EBF1: variants seen among roughly 807,000 people sequenced by gnomAD.
The protein encoded by EBF1 is EBF transcription factor 1.
Under a neutral mutation model 68.4 loss-of-function variants are expected in EBF1, and 10 were observed. The observed-to-expected ratio is 0.15, with a 90% confidence interval of 0.09 to 0.25. The LOEUF (loss-of-function observed/expected upper bound fraction) is 0.25. Among genes scored for constraint, EBF1 ranks in the 10% least tolerant of loss-of-function variants. EBF1 has a pLI of 1.00. For missense variants in EBF1, 509 were observed against 794.4 expected, an observed-to-expected ratio of 0.64 and a Z score of 4.32; for synonymous variants, 298 against 299.8, an observed-to-expected ratio of 0.99 and a Z score of 0.06.
chr5:158,854,009 G>A (rs1793489458), intron 6 of EBF1, among the ~76,000 whole-genome samples: 1 of 152,138 alleles, frequency 6.6e-6, no homozygotes, highest in Non-Finnish European at 1.5e-5. Context: ...CCAGCCGACT[G>A]ACTCCACAGG....
chr5:159,090,242 T>A (rs1280259382), intron 4 of EBF1, among the ~76,000 whole-genome samples: 3 of 126,368 alleles, frequency 2.4e-5, no homozygotes, highest in South Asian at 2.6e-4. Flanking sequence ...TGTTTGTCAT[T>A]AAAAAAAAAA....
intron 6 of EBF1, among the ~76,000 whole-genome samples, chr5:158,846,274 C>T (rs1791506747): frequency 6.6e-6 from 1 of 152,152 alleles, no homozygotes; most frequent in Admixed American, 6.5e-5. Context: ...AGCAAAATGC[C>T]TCATGATTAA....
At chr5:158,936,050 T>C (rs1355203676) in intron 6 of EBF1, among the ~76,000 whole-genome samples, 1 of 148,072 alleles carries the variant, frequency 6.8e-6, no homozygotes, top group Non-Finnish European at 1.5e-5. Flanking sequence ...TGGTTTTCCA[T>C]CCTCTTTCCA....
At chr5:158,945,992 A>G (rs1814584790) in intron 6 of EBF1, among the ~76,000 whole-genome samples, 1 of 151,954 alleles carries the variant, frequency 6.6e-6, no homozygotes, top group South Asian at 2.1e-4. Flanking sequence ...ATACTTCTGT[A>G]TGTTTCGGGA....
chr5:159,022,076 A>AAAAAG (rs55750500), intron 6 of EBF1, among the ~76,000 whole-genome samples: 1 of 149,920 alleles, frequency 6.7e-6, no homozygotes, highest in Non-Finnish European at 1.5e-5. Context: ...AAAAAAAAAA[A>AAAAAG]GGCAAGAGAA....
chr5:158,946,970 G>T (rs2127489757), intron 6 of EBF1, among the ~76,000 whole-genome samples: 1 of 152,308 alleles, frequency 6.6e-6, no homozygotes, highest in South Asian at 2.1e-4. Context: ...ACTTCCCAGT[G>T]GCTTTGTTAA....
chr5:158,898,743 C>T (rs191771949), intron 6 of EBF1, among the ~76,000 whole-genome samples: 1 of 152,328 alleles, frequency 6.6e-6, no homozygotes, highest in Admixed American at 6.5e-5. Flanking sequence ...AGGAACCTCG[C>T]TTTTTTATTG....
chr5:158,842,106 G>A (rs970131036), intron 6 of EBF1, among the ~76,000 whole-genome samples: 1 of 152,216 alleles, frequency 6.6e-6, no homozygotes, highest in African/African-American at 2.4e-5. Context: ...CCTTGCACAG[G>A]ACAATCAGCC....
intron 8 of EBF1, among the ~76,000 whole-genome samples, chr5:158,822,307 TGG>T (rs1491283169): frequency 4.9e-4 from 74 of 151,558 alleles, no homozygotes; most frequent in African/African-American, 1.7e-3. Context: ...GATGGATGGA[TGG>T]ATGGATAGAT....
intron 8 of EBF1, among the ~76,000 whole-genome samples, chr5:158,803,499 G>C (rs569431858): frequency 1.3e-5 from 2 of 151,948 alleles, no homozygotes; most frequent in South Asian, 4.2e-4. Flanking sequence ...TGGAAGACTG[G>C]ACCTCTGTAT....
chr5:158,879,681 G>T (rs1798474554), intron 6 of EBF1, among the ~76,000 whole-genome samples: 1 of 152,112 alleles, frequency 6.6e-6, no homozygotes, highest in African/African-American at 2.4e-5. Flanking sequence ...TCTGCACATT[G>T]TGCACATGTA....
At chr5:158,748,535 A>G (rs538759489) in intron 10 of EBF1, among the ~76,000 whole-genome samples, 6 of 152,088 alleles carry the variant, frequency 3.9e-5, no homozygotes, top group Non-Finnish European at 8.8e-5. Flanking sequence ...TTAATGCCCC[A>G]TTTTCACATA....
chr5:158,762,138 T>C lies in EBF1; in HGVS notation c.1036+15275A>G, dbSNP rs576356831. Among the ~76,000 whole-genome samples, 12 of 152,306 alleles carry C rather than the reference T, an allele frequency of 7.9e-5. No homozygotes were observed. In the East Asian group the frequency reaches 2.1e-3, roughly 27 times the overall value. ...ACATATTATTTAATTTGGGCAATTA[T>C]GAAGTCCTGAAAGCACTTTTCTATT... is the stretch of plus-strand genomic sequence containing the variant. On this transcript the variant is annotated intron_variant, in intron 10 of 15. Transcript: ENST00000313708.
intron 10 of EBF1, among the ~76,000 whole-genome samples, chr5:158,769,281 G>A (rs1017496909): frequency 6.6e-6 from 1 of 152,072 alleles, no homozygotes; most frequent in African/African-American, 2.4e-5. Context: ...TTTGGACAGG[G>A]ATTTCTGTGA....
intron 6 of EBF1, among the ~76,000 whole-genome samples, chr5:159,058,755 A>G (rs750046378): frequency 1.3e-5 from 2 of 152,194 alleles, no homozygotes; most frequent in Non-Finnish European, 2.9e-5. Flanking sequence ...AGCTGCAGCC[A>G]CTTCCCTTCT....
At chr5:158,702,024 C>T (rs776877076) in intron 15 of EBF1, among the ~76,000 whole-genome samples, 2 of 152,128 alleles carry the variant, frequency 1.3e-5, no homozygotes, top group Non-Finnish European at 2.9e-5. Context: ...GTTGCCTACA[C>T]CCAGAATTTT....
chr5:158,935,138 C>T (rs897132721), intron 6 of EBF1, among the ~76,000 whole-genome samples: 3 of 152,204 alleles, frequency 2.0e-5, no homozygotes, highest in Admixed American at 6.5e-5. Flanking sequence ...TGTTTGGCCT[C>T]AATGGAGGTG....
intron 6 of EBF1, among the ~76,000 whole-genome samples, chr5:158,890,029 G>A (rs1301452139): frequency 6.6e-6 from 1 of 152,144 alleles, no homozygotes; most frequent in Non-Finnish European, 1.5e-5. Context: ...TTGAGCATCT[G>A]CAGATTTTGT....
At chr5:158,925,513 C>A (rs1809512347) in intron 6 of EBF1, among the ~76,000 whole-genome samples, 1 of 152,212 alleles carries the variant, frequency 6.6e-6, no homozygotes, top group African/African-American at 2.4e-5. Context: ...CCTCAAAGAT[C>A]TCCAAAGGGA....
Sources: allele counts gnomAD v4.1 joint callset (sites outside exome capture counted in the v4.1 genomes callset), GRCh38; gene constraint gnomAD v4.1.1; transcripts MANE v1.5; gene names NCBI Gene and HGNC (gene_info 2026-07-23, HGNC 2026-07-21).